FXR1: variants seen among roughly 807,000 people sequenced by gnomAD.
FXR1 encodes FMR1 autosomal homolog 1.
A neutral mutation model predicts 84.0 loss-of-function variants in FXR1; 15 were observed. That is an observed-to-expected ratio of 0.18 (90% confidence interval 0.12 to 0.27). The LOEUF is 0.27. Ranked by LOEUF, FXR1 falls within the 10% of genes least tolerant of loss-of-function variation. FXR1 has a pLI of 1.00. For missense variants in FXR1, 480 were observed against 774.4 expected, an observed-to-expected ratio of 0.62 and a Z score of 4.51; for synonymous variants, 245 against 250.7, an observed-to-expected ratio of 0.98 and a Z score of 0.21.
chr3:180,956,390 T>C (rs961567637), intron 9 of FXR1, among the ~76,000 whole-genome samples: 11 of 152,218 alleles, frequency 7.2e-5, no homozygotes, highest in African/African-American at 2.2e-4. Context: ...ATTTAAAATA[T>C]TGACGGTCTG....
chr3:180,938,025 A>T (rs1225966217), intron 3 of FXR1, among the ~76,000 whole-genome samples: 2 of 152,128 alleles, frequency 1.3e-5, no homozygotes, highest in African/African-American at 2.4e-5. Flanking sequence ...GTATTCACTT[A>T]ATTAGGACAG....
At chr3:180,945,610 G>C (rs1448197974) in intron 3 of FXR1, among the ~76,000 whole-genome samples, 1 of 152,146 alleles carries the variant, frequency 6.6e-6, no homozygotes, top group Non-Finnish European at 1.5e-5. Context: ...GTTTCATCAT[G>C]TTGTCCAGGG....
chr3:180,931,026 C>CAAAAAAAAAGAAA (rs1719827573), intron 1 of FXR1, among the ~76,000 whole-genome samples: 1 of 55,642 alleles, frequency 1.8e-5, no homozygotes, highest in Non-Finnish European at 3.5e-5. Context: ...GAGACTGCCT[C>CAAAAAAAAAGAAA]AAAAAAAAAA....
intron 3 of FXR1, among the ~76,000 whole-genome samples, chr3:180,938,732 G>A (rs981484569): frequency 1.3e-5 from 2 of 151,956 alleles, no homozygotes; most frequent in African/African-American, 4.8e-5. Context: ...ATTTTCAGTA[G>A]CGACGGGGTT....
chr3:180,920,662 C>T (rs562689391), intron 1 of FXR1, among the ~76,000 whole-genome samples: 48 of 152,156 alleles, frequency 3.2e-4, no homozygotes, highest in Admixed American at 1.8e-3. Flanking sequence ...CAGCCATGCA[C>T]CACCACGCCC....
At chr3:180,915,046 C>G (rs1237996581) in intron 1 of FXR1, 2 of 409,262 alleles carry the variant, frequency 4.9e-6, no homozygotes, top group South Asian at 1.9e-4. Context: ...GAACAAATCT[C>G]TCTGTCTAAC....
At chr3:180,928,007 G>A (rs201680212) in intron 1 of FXR1, among the ~76,000 whole-genome samples, 1 of 151,454 alleles carries the variant, frequency 6.6e-6, no homozygotes, top group Non-Finnish European at 1.5e-5. Flanking sequence ...TGTGGCTTTT[G>A]GGTTTTGCTT....
intron 13 of FXR1, among the ~76,000 whole-genome samples, chr3:180,965,709 A>C (rs1305050598): frequency 1.3e-5 from 2 of 152,198 alleles, no homozygotes; most frequent in Admixed American, 1.3e-4. Flanking sequence ...ACATTTGCAG[A>C]GTCCTTTTTG....
At chr3:180,941,398 G>C (rs892891926) in intron 3 of FXR1, among the ~76,000 whole-genome samples, 1 of 151,952 alleles carries the variant, frequency 6.6e-6, no homozygotes, top group Non-Finnish European at 1.5e-5. Context: ...TTGCCATGGT[G>C]CCCAAGCGAG....
intron 4 of FXR1, 121 bp from the exon 5 acceptor site, chr3:180,948,226 A>G: frequency 4.3e-6 from 3 of 689,868 alleles, no homozygotes; most frequent in Non-Finnish European, 7.5e-6. Context: ...AGCTGTGCTT[A>G]GTATTTTATG....
chr3:180,935,722 G>A (rs1433740065), intron 3 of FXR1, among the ~76,000 whole-genome samples: 1 of 151,922 alleles, frequency 6.6e-6, no homozygotes. Context: ...AAATTTAAAA[G>A]TACAGAAAAG....
At chr3:180,912,885 C>A in intron 1 of FXR1, 149 bp downstream of exon 1, 1 of 1,425,172 alleles carries the variant, frequency 7.0e-7, no homozygotes, top group Non-Finnish European at 9.7e-7. Context: ...CTCCCCCCTC[C>A]ACCCGCGGTT....
chr3:180,978,704 GAGA>G lies in FXR1; in HGVS notation c.*2415_*2417del, dbSNP rs1289423280. On this transcript the variant is annotated 3_prime_UTR_variant, in exon 17 of 17. Transcript: ENST00000357559. ...CTGGGCCACTGAGACCCTCTTTAAAGAGAAGGAAAAAAAGGTATTCTGGAAGAT... is the reference window on the plus strand; with the variant it reads ...CTGGGCCACTGAGACCCTCTTTAAAGAGGAAAAAAAGGTATTCTGGAAGAT... 1 of 151,848 alleles carries G rather than the reference GAGA, an allele frequency of 6.6e-6. No homozygotes were observed. The highest frequency in any genetic ancestry group is 2.4e-5 in the African/African-American group (1 of 41,370). The allele number at this position is 151,848 out of a possible 1,614,324, so 9.4% of individuals were successfully genotyped here.
chr3:180,950,644 C>G (rs187840633), intron 7 of FXR1, among the ~76,000 whole-genome samples: 153 of 152,140 alleles, frequency 1.0e-3, no homozygotes, highest in Non-Finnish European at 2.0e-3. Flanking sequence ...GCTCATTTTC[C>G]CCTTTCCACA....
intron 1 of FXR1, among the ~76,000 whole-genome samples, chr3:180,919,960 CCTT>C (rs1718379022): frequency 6.6e-6 from 1 of 152,216 alleles, no homozygotes; most frequent in South Asian, 2.1e-4. Context: ...GCCACTACCT[CCTT>C]CTTTTAATCA....
At chr3:180,974,299 C>T (rs1383324088) in intron 15 of FXR1, among the ~76,000 whole-genome samples, 1 of 152,064 alleles carries the variant, frequency 6.6e-6, no homozygotes, top group Admixed American at 6.6e-5. Context: ...GCTGGAATTA[C>T]AGGCTGTGTC....
intron 3 of FXR1, among the ~76,000 whole-genome samples, chr3:180,937,748 T>G (rs1227285936): frequency 6.6e-6 from 1 of 152,156 alleles, no homozygotes; most frequent in Non-Finnish European, 1.5e-5. Flanking sequence ...AAATTCGGAG[T>G]TAGTGCTTTC....
chr3:180,933,978 TG>T (rs34484704), intron 2 of FXR1, among the ~76,000 whole-genome samples: 36,134 of 151,600 alleles, frequency 0.24, 4,482 homozygotes, highest in African/African-American at 0.31. Context: ...CTAGTCATGG[TG>T]GGGGGGCGCC....
chr3:180,912,834 G>A (rs1717382419), intron 1 of FXR1, 98 bp downstream of exon 1: 3 of 1,602,454 alleles, frequency 1.9e-6, no homozygotes, highest in Admixed American at 1.7e-5. Context: ...GGGTCGGAAA[G>A]GCAGCCAGGC....
Sources: allele counts gnomAD v4.1 joint callset (sites outside exome capture counted in the v4.1 genomes callset), GRCh38; gene constraint gnomAD v4.1.1; transcripts MANE v1.5; gene names NCBI Gene and HGNC (gene_info 2026-07-23, HGNC 2026-07-21).